CDK17: variants seen among roughly 807,000 people sequenced by gnomAD.
CDK17 encodes the protein cyclin-dependent kinase 17.
In CDK17, 24 loss-of-function variants were observed where a neutral mutation model predicts 77.6. That is an observed-to-expected ratio of 0.31 (90% confidence interval 0.22 to 0.44). The LOEUF (loss-of-function observed/expected upper bound fraction) is 0.44, where lower values mean the gene tolerates loss of function less well. Among genes scored for constraint, CDK17 ranks in the 20% least tolerant of loss-of-function variants. The pLI is 1.00. For missense variants in CDK17, 429 were observed against 622.5 expected, an observed-to-expected ratio of 0.69 and a Z score of 3.31; for synonymous variants, 203 against 210.4, an observed-to-expected ratio of 0.96 and a Z score of 0.30.
chr12:96,349,654 G>C lies in CDK17; in HGVS notation c.-29-14789C>G, dbSNP rs188903373. Among the ~76,000 whole-genome samples, 116 of 151,882 alleles carry C rather than the reference G, an allele frequency of 7.6e-4. 1 individual carries two copies. The highest frequency in any genetic ancestry group is 3.8e-3 in the Admixed American group (58 of 15,246). On this transcript the variant is annotated intron_variant, in intron 1 of 16. Transcript: ENST00000261211. ...AAAAGGCCATATATAAAAACTCACA[G>C]CTAATATCGTATTCAATGGTGAAAG... is the stretch of plus-strand genomic sequence containing the variant.
At chr12:96,344,501 T>C (rs1953170145) in intron 1 of CDK17, among the ~76,000 whole-genome samples, 1 of 152,206 alleles carries the variant, frequency 6.6e-6, no homozygotes, top group Admixed American at 6.5e-5. Flanking sequence ...TAACAGCTGA[T>C]GTGTCATCAT....
intron 15 of CDK17, 41 bp from the exon 16 acceptor site, chr12:96,280,926 A>G: frequency 6.7e-7 from 1 of 1,501,406 alleles, no homozygotes; most frequent in Non-Finnish European, 9.2e-7. Context: ...AAGGTCTAAC[A>G]TTAAAACAAA....
intron 1 of CDK17, among the ~76,000 whole-genome samples, chr12:96,395,910 C>G (rs781558050): frequency 2.0e-4 from 30 of 152,194 alleles, no homozygotes; most frequent in Non-Finnish European, 3.7e-4. Context: ...AGACTTCCAG[C>G]CCCGGACCTG....
chr12:96,362,818 C>G (rs1386084479), intron 1 of CDK17, among the ~76,000 whole-genome samples: 1 of 152,150 alleles, frequency 6.6e-6, no homozygotes, highest in Admixed American at 6.5e-5. Context: ...GGACACCAAA[C>G]ATCAAAGCAG....
chr12:96,313,634 T>C (rs1390052562), intron 3 of CDK17, among the ~76,000 whole-genome samples, 180 bp from the exon 4 acceptor site: 5 of 152,168 alleles, frequency 3.3e-5, no homozygotes, highest in Admixed American at 6.5e-5. Context: ...TGTCTTAAAA[T>C]AGTATGAAAT....
At chr12:96,368,315 T>A (rs1255751864) in intron 1 of CDK17, among the ~76,000 whole-genome samples, 2 of 152,232 alleles carry the variant, frequency 1.3e-5, no homozygotes, top group East Asian at 3.9e-4. Flanking sequence ...AGGAAGTGAC[T>A]GAACTGTTCC....
chr12:96,375,140 T>G (rs1443985037), intron 1 of CDK17, among the ~76,000 whole-genome samples: 2 of 152,304 alleles, frequency 1.3e-5, no homozygotes, highest in East Asian at 3.9e-4. Context: ...CCTGTGTGTA[T>G]ACATATGTAC....
intron 1 of CDK17, chr12:96,387,057 T>C: frequency 2.9e-6 from 1 of 342,418 alleles, no homozygotes; most frequent in Non-Finnish European, 5.8e-6. Flanking sequence ...TTCTCTGTCT[T>C]CAGGGTCATT....
At chr12:96,293,900 G>C (rs1267318086) in intron 10 of CDK17, among the ~76,000 whole-genome samples, 3 of 152,192 alleles carry the variant, frequency 2.0e-5, no homozygotes, top group African/African-American at 7.2e-5. Flanking sequence ...ATTTTTGCTT[G>C]AAAACTTGAA....
At chr12:96,343,668 TAC>T (rs1244702297) in intron 1 of CDK17, among the ~76,000 whole-genome samples, 1 of 152,168 alleles carries the variant, frequency 6.6e-6, no homozygotes, top group Non-Finnish European at 1.5e-5. Context: ...ACACAAGAAA[TAC>T]ACAGTTTGCA....
chr12:96,331,870 A>G (rs1205583441), intron 2 of CDK17, among the ~76,000 whole-genome samples: 2 of 152,208 alleles, frequency 1.3e-5, no homozygotes, highest in Admixed American at 1.3e-4. Flanking sequence ...TCAAGAGACA[A>G]GTGATCAAAA....
chr12:96,293,111 T>C (rs529287754), intron 10 of CDK17, among the ~76,000 whole-genome samples: 12 of 152,362 alleles, frequency 7.9e-5, no homozygotes, highest in African/African-American at 2.6e-4. Context: ...ACCCTTTATA[T>C]GCAGCATGTA....
Position 96,298,856 on chromosome 12 carries a change from A to C in CDK17, c.715+13T>G. 24 of 1,337,936 alleles carry C rather than the reference A, an allele frequency of 1.8e-5. No individual in the cohort carries two copies. Among genetic ancestry groups the C allele is most frequent in the Non-Finnish European group, 2.2e-5 (21 of 941,976 alleles). The allele number at this position is 1,337,936 out of a possible 1,614,324, so 82.9% of individuals were successfully genotyped here. Reference sequence around the variant, plus strand: ...CCACTTTGATTTTAAAATGTTCTGTATAATTATTATACCTTCTCTTATAGC... The same window carrying C: ...CCACTTTGATTTTAAAATGTTCTGTCTAATTATTATACCTTCTCTTATAGC... On this transcript the variant is annotated intron_variant, in intron 7 of 16. Transcript: ENST00000261211.
intron 15 of CDK17, 59 bp downstream of exon 15, chr12:96,282,450 G>T: frequency 8.9e-7 from 1 of 1,121,422 alleles, no homozygotes; most frequent in Non-Finnish European, 1.4e-6. Context: ...AATCACCCCA[G>T]ACCCTAACCT....
intron 5 of CDK17, among the ~76,000 whole-genome samples, chr12:96,308,229 TAAAAAAA>T (rs61572243): frequency 1.6e-5 from 1 of 63,766 alleles, no homozygotes; most frequent in African/African-American, 5.8e-5. Flanking sequence ...ATGCCATCTC[TAAAAAAA>T]AAAAAAAAAA....
At chr12:96,382,929 G>C (rs12821117) in intron 1 of CDK17, among the ~76,000 whole-genome samples, 11,769 of 151,332 alleles carry the variant, frequency 0.078, 531 homozygotes, top group African/African-American at 0.13. Flanking sequence ...GAGCAATCAG[G>C]CAAGAAAAAA....
intron 2 of CDK17, among the ~76,000 whole-genome samples, chr12:96,332,887 T>C (rs777399610): frequency 6.6e-6 from 1 of 152,220 alleles, no homozygotes; most frequent in Non-Finnish European, 1.5e-5. Context: ...TGTTTTATGA[T>C]AGTTAATACC....
intron 1 of CDK17, among the ~76,000 whole-genome samples, chr12:96,365,225 AATTC>A (rs1247150462): frequency 6.6e-6 from 1 of 152,216 alleles, no homozygotes; most frequent in Non-Finnish European, 1.5e-5. Context: ...CAAAGTTGAT[AATTC>A]ATTCATCAAT....
chr12:96,360,507 T>G (rs1056874050), intron 1 of CDK17, among the ~76,000 whole-genome samples: 2 of 152,180 alleles, frequency 1.3e-5, no homozygotes, highest in Admixed American at 6.5e-5. Flanking sequence ...AAACATCTCA[T>G]TTTCTGAAGA....
Sources: gnomAD v4.1 joint callset for allele counts (sites outside exome capture counted in the v4.1 genomes callset) on GRCh38, gnomAD v4.1.1 for gene constraint, MANE v1.5 for transcripts, NCBI Gene and HGNC (gene_info 2026-07-23, HGNC 2026-07-21) for gene names.